ARHGAP44: variants seen among roughly 807,000 people sequenced by gnomAD.
ARHGAP44 encodes rho GTPase-activating protein 44.
ARHGAP44 carries 43 observed loss-of-function variants against 106.8 expected under a neutral mutation model. That is an observed-to-expected ratio of 0.40 (90% CI 0.32 to 0.52). ARHGAP44 has a LOEUF of 0.52. Ranked by LOEUF, ARHGAP44 falls within the 20% of genes least tolerant of loss-of-function variation. The pLI is 0.48. For synonymous variants in ARHGAP44, 439 were observed against 410.3 expected, an observed-to-expected ratio of 1.07 and a Z score of -0.85; for missense variants, 866 against 1,050.5, an observed-to-expected ratio of 0.82 and a Z score of 2.43.
intron 16 of ARHGAP44, among the ~76,000 whole-genome samples, chr17:12,970,253 C>A (rs777523120): frequency 9.3e-5 from 14 of 151,214 alleles, no homozygotes; most frequent in Non-Finnish European, 1.5e-4. Context: ...GTATTCCAAG[C>A]TACTCAGGAG....
At chr17:12,920,300 G>C (rs112886627) in intron 6 of ARHGAP44, among the ~76,000 whole-genome samples, 1 of 133,836 alleles carries the variant, frequency 7.5e-6, no homozygotes, top group African/African-American at 3.5e-5. Context: ...GGTGTGAACC[G>C]GGGAGGCGGA....
intron 1 of ARHGAP44, among the ~76,000 whole-genome samples, chr17:12,884,888 G>A (rs1458013521): frequency 1.3e-5 from 2 of 150,894 alleles, no homozygotes; most frequent in East Asian, 3.9e-4. Context: ...ATCTTGCTAA[G>A]CATTTTTTGT....
Position 12,991,532 on chromosome 17 carries a change from A to T in ARHGAP44, c.*1361A>T, listed in dbSNP as rs2040150082. 1 of 175,744 alleles carries T rather than the reference A, an allele frequency of 5.7e-6. No homozygotes were observed. The highest frequency in any genetic ancestry group is 1.2e-5 in the Non-Finnish European group (1 of 81,270). The allele number at this position is 175,744 out of a possible 1,614,324, so 10.9% of individuals were successfully genotyped here. On this transcript the variant is annotated 3_prime_UTR_variant, in exon 21 of 21. Transcript: ENST00000379672. ...TCCTGGCAAGGGCAGGTCATGCCTCAATTTGTAATGGGAGTCTGGGGTAAG... is the reference window on the plus strand; with the variant it reads ...TCCTGGCAAGGGCAGGTCATGCCTCTATTTGTAATGGGAGTCTGGGGTAAG...
At position 12,949,701 on chromosome 17, in the gene ARHGAP44, A is replaced by G. The variant is rs772115775; in HGVS notation, c.1026A>G (p.Glu342=). 6.2e-7 allele frequency: 1 copy of G among 1,613,118 alleles called. No individual in the cohort carries two copies. The highest frequency in any genetic ancestry group is 1.1e-5 in the South Asian group (1 of 91,000). ...RELPEPLMTF[E]LYDEWIQASN... ...TGCCAGAACCTCTTATGACCTTTGA[A>G]CTCTATGATGAGTGGATCCAGGCTT... The change falls in exon 12 of 21, where the codon GAA becomes GAG. Residue 342 remains glutamate (E), a synonymous_variant. Coordinates refer to ENST00000379672, the MANE Select transcript of ARHGAP44 (RefSeq NM_014859.6). The surrounding 1 kb of genome is among the most constrained non-coding windows in gnomAD (Gnocchi z 4.1).
intron 18 of ARHGAP44, among the ~76,000 whole-genome samples, chr17:12,975,964 CA>C (rs1294775636): frequency 6.6e-6 from 1 of 151,974 alleles, no homozygotes; most frequent in Non-Finnish European, 1.5e-5. Flanking sequence ...GGGGCATGAT[CA>C]GGGGAGGCAG....
chr17:12,867,316 C>T (rs942982434), intron 1 of ARHGAP44, among the ~76,000 whole-genome samples: 43 of 152,048 alleles, frequency 2.8e-4, no homozygotes, highest in Non-Finnish European at 2.9e-4. Context: ...GGAAGAGCAG[C>T]CTTCCAAGCA....
intron 10 of ARHGAP44, among the ~76,000 whole-genome samples, chr17:12,947,752 A>C (rs540405754): frequency 3.3e-5 from 5 of 152,280 alleles, no homozygotes; most frequent in African/African-American, 9.6e-5. Context: ...TGGCAAGGGC[A>C]TGGTTTTATG....
chr17:12,974,913 G>A (rs1297952905), intron 18 of ARHGAP44, among the ~76,000 whole-genome samples: 1 of 150,052 alleles, frequency 6.7e-6, no homozygotes, highest in African/African-American at 2.5e-5. Flanking sequence ...GCAGAGGCGC[G>A]ATCTCGACTC....
intron 9 of ARHGAP44, among the ~76,000 whole-genome samples, 187 bp from the exon 10 acceptor site, chr17:12,943,882 T>G (rs988221090): frequency 3.3e-5 from 5 of 152,032 alleles, no homozygotes; most frequent in Non-Finnish European, 5.9e-5. Flanking sequence ...CTGGACGCAA[T>G]TGGCTGGCCA....
chr17:12,888,530 C>T (rs1182924703), intron 1 of ARHGAP44, among the ~76,000 whole-genome samples: 4 of 152,002 alleles, frequency 2.6e-5, no homozygotes, highest in Admixed American at 6.6e-5. Context: ...GTATATGTTC[C>T]GTGGAAACTG....
intron 1 of ARHGAP44, among the ~76,000 whole-genome samples, chr17:12,832,035 C>T (rs2035104256): frequency 6.6e-6 from 1 of 152,142 alleles, no homozygotes; most frequent in Non-Finnish European, 1.5e-5. Context: ...ATTGTAACTG[C>T]CCAGTAGGTT....
chr17:12,963,588 G>A (rs4608375), intron 16 of ARHGAP44, among the ~76,000 whole-genome samples: 7 of 137,432 alleles, frequency 5.1e-5, no homozygotes, highest in African/African-American at 1.1e-4. Context: ...CAGACAGGCC[G>A]GCCTTGCACC....
rs117832719 is a variant in ARHGAP44, at chr17:12,861,604, T to C, written c.54-33336T>C. Among the ~76,000 whole-genome samples, 387 of 151,170 alleles carry C rather than the reference T, an allele frequency of 2.6e-3. 12 individuals carry two copies. The East Asian group carries it at 0.061, about 24-fold the overall frequency. On this transcript the variant is annotated intron_variant, in intron 1 of 20. Coordinates refer to ENST00000379672, the MANE Select transcript of ARHGAP44 (RefSeq NM_014859.6). ...CCACATCGCTCTGATCCTTCTTTGG[T>C]CACATCTCCCTCTGAATTCCTCTTC...
At chr17:12,922,305 C>T (rs2038105025) in intron 6 of ARHGAP44, among the ~76,000 whole-genome samples, 1 of 152,216 alleles carries the variant, frequency 6.6e-6, no homozygotes, top group African/African-American at 2.4e-5. Flanking sequence ...ATGAGACTAA[C>T]CTCTTTAGCG....
chr17:12,790,061 C>T (rs2033690563), intron 1 of ARHGAP44, 170 bp downstream of exon 1: 1 of 571,520 alleles, frequency 1.7e-6, no homozygotes, highest in Non-Finnish European at 2.9e-6. Context: ...TCCCTAACTT[C>T]CCAGACCCCG....
At chr17:12,969,450 ATAT>A (rs1188975424) in intron 16 of ARHGAP44, among the ~76,000 whole-genome samples, 5 of 152,210 alleles carry the variant, frequency 3.3e-5, no homozygotes, top group Admixed American at 2.0e-4. Context: ...GAAGAGAAGC[ATAT>A]TATTCCATTT....
intron 20 of ARHGAP44, chr17:12,987,480 C>G: frequency 4.3e-6 from 1 of 232,250 alleles, no homozygotes. Flanking sequence ...GGAGCTGTAA[C>G]AGATCTGTTC....
intron 3 of ARHGAP44, among the ~76,000 whole-genome samples, chr17:12,903,138 AGAGTGTGTGTGT>A (rs1308867806): frequency 1.6e-4 from 15 of 94,704 alleles, no homozygotes; most frequent in Non-Finnish European, 2.3e-4. Context: ...AGAGAGAGAG[AGAGTGTGTGTGT>A]GTGTGTGTGT....
rs376229335 is a variant in ARHGAP44, at chr17:12,949,728, C to T, written c.1053C>T (p.Ser351=). 1 of 1,612,574 alleles carries T rather than the reference C, an allele frequency of 6.2e-7. No individual in the cohort carries two copies. The highest frequency in any genetic ancestry group is 1.3e-5 in the African/African-American group (1 of 74,822). Residue 351 remains serine (S), a splice_region_variant and synonymous_variant, in exon 12 of 21, where the codon TCC becomes TCT. Coordinates refer to ENST00000379672, the MANE Select transcript of ARHGAP44 (RefSeq NM_014859.6). This position sits in a 1 kb window ranked among gnomAD's most constrained non-coding sequence, Gnocchi z 4.1. ...TCTATGATGAGTGGATCCAGGCTTC[C>T]AAGTGAGTACCCCTTGTTTTGGAAT... The part of the protein sequence containing the change: ...FELYDEWIQA[S]NVQEQDKKLQ...
Sources: gnomAD v4.1 joint callset for allele counts (sites outside exome capture counted in the v4.1 genomes callset) on GRCh38, gnomAD v4.1.1 for gene constraint, Gnocchi (gnomAD v3.1) non-coding constraint, MANE v1.5 for transcripts, NCBI Gene and HGNC (gene_info 2026-07-23, HGNC 2026-07-21) for gene names.